Variants in TNIK observed in about 807,000 individuals in gnomAD.
The protein encoded by TNIK is TRAF2 and NCK interacting kinase.
TNIK carries 49 observed loss-of-function variants against 191.3 expected under a neutral mutation model. That is an observed-to-expected ratio of 0.26 (90% CI 0.20 to 0.32). The LOEUF (loss-of-function observed/expected upper bound fraction) is 0.32, where lower values mean the gene tolerates loss of function less well. Ranked by LOEUF, TNIK falls within the 10% of genes least tolerant of loss-of-function variation. The pLI is 1.00. For missense variants in TNIK, 1,155 were observed against 1,702.3 expected, an observed-to-expected ratio of 0.68 and a Z score of 5.66; for synonymous variants, 594 against 600.9, an observed-to-expected ratio of 0.99 and a Z score of 0.17.
chr3:171,101,882 TATATGTGTAC>T (rs1723627566), intron 21 of TNIK: 1 of 451,218 alleles, frequency 2.2e-6, no homozygotes, highest in Non-Finnish European at 3.9e-6. Context: ...GTCCTGAATA[TATATGTGTAC>T]ATATGTGTAT....
rs1400511955 is a variant in TNIK at position 171,061,301 on chromosome 3, A to G, written c.*2580T>C. 6.6e-6 allele frequency: 1 copy of G among 152,210 alleles called. No homozygotes were observed. Among genetic ancestry groups the G allele is most frequent in the African/African-American group, 2.4e-5 (1 of 41,456 alleles). The allele number at this position is 152,210 out of a possible 1,614,324, so 9.4% of individuals were successfully genotyped here. A position where few individuals can be genotyped will look rare whatever the true frequency, so the allele number is the denominator to read the frequency against. ...TTAAATTTGGATTTGCCTTGTACTCAGTGTAAAATATTAGTACAAAAATAT... is the reference window on the plus strand; with the variant it reads ...TTAAATTTGGATTTGCCTTGTACTCGGTGTAAAATATTAGTACAAAAATAT... On this transcript the variant is annotated 3_prime_UTR_variant, in exon 33 of 33. Coordinates refer to ENST00000436636, the MANE Select transcript of TNIK (RefSeq NM_015028.4).
chr3:171,200,134 G>A lies in TNIK; in HGVS notation c.307-5499C>T, dbSNP rs867669828. On this transcript the variant is annotated intron_variant, in intron 4 of 32. Transcript: ENST00000436636. ...GGGCAATGGATCTTTTTATTTGGAA[G>A]GCAGGGGTGATAGGGGGTGGAGGAA... is the stretch of plus-strand genomic sequence containing the variant. 1.2e-4 allele frequency among the ~76,000 whole-genome samples: 18 copies of A among 152,306 alleles called. 1 individual carries two copies. Among genetic ancestry groups the A allele is most frequent in the South Asian group, 1.0e-3 (5 of 4,826 alleles).
Position 171,059,403 on chromosome 3 carries a change from C to A in TNIK, c.*4478G>T, listed in dbSNP as rs1456430362. Among the ~76,000 whole-genome samples, 1 of 151,952 alleles carries A rather than the reference C, an allele frequency of 6.6e-6. No homozygotes were observed. The highest frequency in any genetic ancestry group is 1.9e-4 in the East Asian group (1 of 5,190). ...AATGGCAGGTCTAGAAGAATAAAGT[C>A]CAAAGCACAGGGTTATGATCTCACA... is the stretch of plus-strand genomic sequence containing the variant. On this transcript the variant is annotated 3_prime_UTR_variant, in exon 33 of 33. Coordinates refer to ENST00000436636, the MANE Select transcript of TNIK (RefSeq NM_015028.4).
chr3:171,264,145 G>A (rs946400954), intron 2 of TNIK, among the ~76,000 whole-genome samples: 1 of 133,006 alleles, frequency 7.5e-6, no homozygotes, highest in Non-Finnish European at 1.6e-5. Context: ...CCCCTTACCT[G>A]GCTGGCCTCC....
chr3:171,071,324 CT>C lies in TNIK; in HGVS notation c.3449-2del. On this transcript the variant is annotated splice_acceptor_variant, in intron 28 of 32. Transcript: ENST00000436636. LOFTEE classifies it high-confidence loss of function. ...AAAAATTTGATCCTTTCATATTTAACTGTAATAGAAAAATTATGAGTGAAAA... is the reference window on the plus strand; with the variant it reads ...AAAAATTTGATCCTTTCATATTTAACGTAATAGAAAAATTATGAGTGAAAA... 1 of 1,569,328 alleles carries C rather than the reference CT, an allele frequency of 6.4e-7. No homozygotes were observed. The highest frequency in any genetic ancestry group is 8.6e-7 in the Non-Finnish European group (1 of 1,156,474).
At position 171,446,380 on chromosome 3, in the gene TNIK, C is replaced by T. The variant is rs192256927; in HGVS notation, c.57+13627G>A. 7.4e-4 allele frequency among the ~76,000 whole-genome samples: 112 copies of T among 152,240 alleles called. 1 individual carries two copies. The highest frequency in any genetic ancestry group is 1.6e-3 in the Admixed American group (24 of 15,300). On this transcript the variant is annotated intron_variant, in intron 1 of 32. Transcript: ENST00000436636. ...ATTACAGGCAGCTTTAAAAAAAATA[C>T]CTAGAGGTAGAAATGATGAAACCAT... is the stretch of plus-strand genomic sequence containing the variant.
chr3:171,073,925 T>G (rs1719554238), intron 28 of TNIK, among the ~76,000 whole-genome samples: 1 of 151,952 alleles, frequency 6.6e-6, no homozygotes, highest in African/African-American at 2.4e-5. Flanking sequence ...TGTAAGTTAG[T>G]TCAGTCTCCT....
At position 171,157,495 on chromosome 3, in the gene TNIK, C is replaced by T. The variant is rs1310446942; in HGVS notation, c.1186G>A (p.Glu396Lys). 7.6e-6 allele frequency: 12 copies of T among 1,574,644 alleles called. No individual in the cohort carries two copies. The highest frequency in any genetic ancestry group is 4.7e-5 in the East Asian group (2 of 42,490). Residue 396 changes from glutamate (E) to lysine (K), a missense_variant, in exon 12 of 33, where the codon GAG becomes AAG. By Grantham distance (56) the Glu-to-Lys change is moderately conservative. This residue lies in a region of TNIK where 735 missense variants were observed against 848.0 expected (regional missense o/e 0.87). Transcript: ENST00000436636. ...CGCCGCCTCTGCTCTTTCTGCTCCT[C>T]GATGCGCTTCTGACGCTCGGCCAGC... ...QLLAERQKRI[E>K]EQKEQRRRLE...
In TNIK at chr3:171,095,202, T is replaced by C. The variant is rs1245079973; in HGVS notation, c.2592-1234A>G. Reference sequence around the variant, plus strand: ...TACTCCTTGAGAACACAGACTGATGTTTCCTGTGTCCTGTAGCACAGAGCA... The same window carrying C: ...TACTCCTTGAGAACACAGACTGATGCTTCCTGTGTCCTGTAGCACAGAGCA... On this transcript the variant is annotated intron_variant, in intron 22 of 32. Coordinates refer to ENST00000436636, the MANE Select transcript of TNIK (RefSeq NM_015028.4). Among the ~76,000 whole-genome samples the C allele has an allele frequency of 2.0e-5, 3 of 152,208 alleles. No homozygotes were observed. The East Asian group carries it at 5.8e-4, about 29-fold the overall frequency.
At chr3:171,257,389 C>T (rs1747012914) in intron 2 of TNIK, among the ~76,000 whole-genome samples, 1 of 152,226 alleles carries the variant, frequency 6.6e-6, no homozygotes, top group Admixed American at 6.5e-5. Context: ...ACTTTAACCA[C>T]TCTCAGCTTC....
intron 3 of TNIK, among the ~76,000 whole-genome samples, chr3:171,218,350 C>A (rs1268500791): frequency 1.3e-5 from 2 of 152,098 alleles, no homozygotes; most frequent in Non-Finnish European, 2.9e-5. Flanking sequence ...TGAGGCATGA[C>A]TCCCAAGAAA....
At chr3:171,223,206 C>T (rs768961751) in intron 3 of TNIK, among the ~76,000 whole-genome samples, 14 of 152,154 alleles carry the variant, frequency 9.2e-5, no homozygotes, top group Non-Finnish European at 1.6e-4. Context: ...CGGCTGTATT[C>T]TTGGCTGGAA....
intron 2 of TNIK, among the ~76,000 whole-genome samples, chr3:171,318,451 T>C (rs1336128491): frequency 6.6e-6 from 1 of 152,154 alleles, no homozygotes; most frequent in Non-Finnish European, 1.5e-5. Flanking sequence ...TAGAAAATCT[T>C]GGAGAAATTC....
At chr3:171,426,834 C>T (rs186531612) in intron 1 of TNIK, among the ~76,000 whole-genome samples, 2 of 152,134 alleles carry the variant, frequency 1.3e-5, no homozygotes, top group East Asian at 1.9e-4. Flanking sequence ...AGGTTAAGGT[C>T]GCTGGAGTTG....
chr3:171,213,316 G>C (rs1239050256), intron 3 of TNIK, among the ~76,000 whole-genome samples: 1 of 152,162 alleles, frequency 6.6e-6, no homozygotes, highest in East Asian at 1.9e-4. Context: ...AAAACGACCT[G>C]AGGGTTTCTG....
chr3:171,339,042 C>T (rs187002902), intron 2 of TNIK, among the ~76,000 whole-genome samples: 102 of 152,332 alleles, frequency 6.7e-4, no homozygotes, highest in African/African-American at 2.2e-3. Flanking sequence ...TAAATTCATG[C>T]ATCCCTTTAA....
At chr3:171,408,273 C>T (rs1029261943) in intron 1 of TNIK, among the ~76,000 whole-genome samples, 2 of 151,992 alleles carry the variant, frequency 1.3e-5, no homozygotes, top group African/African-American at 4.8e-5. Context: ...TTCCCCCGCT[C>T]AATCTGGAAA....
At chr3:171,433,883 T>G (rs2172201) in intron 1 of TNIK, among the ~76,000 whole-genome samples, 85,297 of 149,258 alleles carry the variant, frequency 0.57, 25,184 homozygotes, top group Middle Eastern at 0.64. Flanking sequence ...TACATTAATT[T>G]CTAGATATTT....
chr3:171,089,450 CT>C (rs559643601), intron 23 of TNIK, among the ~76,000 whole-genome samples: 2 of 152,144 alleles, frequency 1.3e-5, no homozygotes, highest in South Asian at 4.2e-4. Context: ...CACATGTCAT[CT>C]CTTTGGAATT....
Sources: allele counts gnomAD v4.1 joint callset (sites outside exome capture counted in the v4.1 genomes callset), GRCh38; gene constraint gnomAD v4.1.1; regional missense constraint gnomAD v4.1.1; transcripts MANE v1.5; gene names NCBI Gene and HGNC (gene_info 2026-07-23, HGNC 2026-07-21).